The following DENND5A variants were observed in gnomAD, a reference collection of about 807,000 sequenced individuals.
The protein encoded by DENND5A is DENN domain-containing protein 5A.
A neutral mutation model predicts 140.3 loss-of-function variants in DENND5A; 64 were observed. That is an observed-to-expected ratio of 0.46 (90% CI 0.37 to 0.56). The LOEUF is 0.56. Among genes scored for constraint, DENND5A ranks in the 20% least tolerant of loss-of-function variants. The pLI is 0.00. For synonymous variants in DENND5A, 605 were observed against 607.7 expected (o/e 1.00, Z 0.07); for missense variants, 1,292 against 1,593.8 (o/e 0.81, Z 3.22).
intron 10 of DENND5A, among the ~76,000 whole-genome samples, chr11:9,166,890 C>CA (rs1455107998): frequency 6.6e-6 from 1 of 151,564 alleles, no homozygotes; most frequent in Non-Finnish European, 1.5e-5. Flanking sequence ...ATACAAGAGT[C>CA]AAAAAACACA....
chr11:9,162,863 ATTTTT>A (rs61181938), intron 11 of DENND5A, among the ~76,000 whole-genome samples: 1 of 136,896 alleles, frequency 7.3e-6, no homozygotes, highest in African/African-American at 2.7e-5. Flanking sequence ...TTCTTTTGTG[ATTTTT>A]TTTTTTTTTT....
At chr11:9,189,618 G>GT (rs77938128) in intron 5 of DENND5A, among the ~76,000 whole-genome samples, 15,784 of 144,938 alleles carry the variant, frequency 0.11, 986 homozygotes, top group African/African-American at 0.18. Context: ...CTGTTGTTTG[G>GT]TTTTTTTTTT....
At chr11:9,230,053 C>A (rs1034390235) in intron 1 of DENND5A, among the ~76,000 whole-genome samples, 1 of 150,534 alleles carries the variant, frequency 6.6e-6, no homozygotes, top group Non-Finnish European at 1.5e-5. Context: ...GGACTACAGG[C>A]GCCTGCCACC....
At chr11:9,239,728 C>T (rs1027609865) in intron 1 of DENND5A, among the ~76,000 whole-genome samples, 3 of 152,186 alleles carry the variant, frequency 2.0e-5, no homozygotes, top group African/African-American at 4.8e-5. Flanking sequence ...TCCCAAAGTG[C>T]TGGGATTACA....
At chr11:9,247,923 T>C (rs896572420) in intron 1 of DENND5A, among the ~76,000 whole-genome samples, 4 of 152,168 alleles carry the variant, frequency 2.6e-5, no homozygotes, top group African/African-American at 9.7e-5. Flanking sequence ...TTTTATTTCC[T>C]TCAGGGTCTG....
intron 1 of DENND5A, among the ~76,000 whole-genome samples, chr11:9,227,771 A>G (rs902220275): frequency 6.6e-6 from 1 of 152,020 alleles, no homozygotes. Flanking sequence ...CCTGGGCAAC[A>G]TAGCAAGATA....
rs1162225544 is a variant in DENND5A at position 9,145,765 on chromosome 11, T to G, written c.2908A>C (p.Met970Leu). The G allele has an allele frequency of 1.9e-6, 3 of 1,614,092 alleles. No homozygotes were observed. The highest frequency in any genetic ancestry group is 2.2e-5 in the East Asian group (1 of 44,898). Residue 970 changes from methionine (M) to leucine (L), a missense_variant, in exon 17 of 23, where the codon ATG (methionine) becomes CTG (leucine). Around this residue, in one of 4 missense-constraint regions of DENND5A, gnomAD observed 498 missense variants for 689.7 expected, o/e 0.72. Coordinates refer to ENST00000328194, the MANE Select transcript of DENND5A (RefSeq NM_015213.4). ...IVPSKKLGGSMFTANPWICIS... is the reference protein window; with the variant it reads ...IVPSKKLGGSLFTANPWICIS... ...CAGATCCATGGGTTGGCAGTGAACA[T>G]GGAGCCCCCCAGCTTCTTGCTTGGT...
At chr11:9,172,318 G>A (rs1848397664) in intron 8 of DENND5A, 1 of 152,152 alleles carries the variant, frequency 6.6e-6, no homozygotes, top group Non-Finnish European at 1.5e-5. Flanking sequence ...CTCAAAATCA[G>A]TGATAAAAAG....
intron 1 of DENND5A, among the ~76,000 whole-genome samples, chr11:9,238,607 G>C (rs1851102061): frequency 6.6e-6 from 1 of 151,556 alleles, no homozygotes; most frequent in Non-Finnish European, 1.5e-5. Flanking sequence ...TAGTAGATGG[G>C]GTTTCACCAT....
chr11:9,255,830 ACTCCAGC>A (rs1851920276), intron 1 of DENND5A, among the ~76,000 whole-genome samples: 1 of 151,372 alleles, frequency 6.6e-6, no homozygotes, highest in African/African-American at 2.4e-5. Flanking sequence ...GTGCCACTGC[ACTCCAGC>A]CTGGGCGACA....
intron 4 of DENND5A, among the ~76,000 whole-genome samples, chr11:9,201,984 ACAT>A (rs1207656030): frequency 1.3e-5 from 2 of 152,200 alleles, no homozygotes; most frequent in African/African-American, 4.8e-5. Flanking sequence ...AGACAAAATG[ACAT>A]CATATGCCTG....
Position 9,181,119 on chromosome 11 carries a change from C to T in DENND5A, c.1138-35G>A, listed in dbSNP as rs201283038. 11 of 1,576,652 alleles carry T rather than the reference C, an allele frequency of 7.0e-6. No individual in the cohort carries two copies. The Admixed American group carries it at 1.3e-4, about 18-fold the overall frequency. On this transcript the variant is annotated intron_variant, in intron 5 of 22. Coordinates refer to ENST00000328194, the MANE Select transcript of DENND5A (RefSeq NM_015213.4). ...AAAACAGGATGAGGAGTATGAATAA[C>T]TCCAGAGCATTACAGGAAGAAGTTT...
chr11:9,173,371 T>C (rs1848437967), intron 8 of DENND5A, among the ~76,000 whole-genome samples: 1 of 152,230 alleles, frequency 6.6e-6, no homozygotes, highest in Non-Finnish European at 1.5e-5. Flanking sequence ...TTAGATTTTG[T>C]ACTTATTATT....
intron 1 of DENND5A, among the ~76,000 whole-genome samples, chr11:9,225,306 T>A (rs1288552189): frequency 6.6e-6 from 1 of 152,238 alleles, no homozygotes; most frequent in Non-Finnish European, 1.5e-5. Context: ...CTTAAATTTC[T>A]CTCTTATTCC....
Position 9,193,549 on chromosome 11 carries a change from A to G in DENND5A, c.1082T>C (p.Met361Thr). The change falls in exon 5 of 23, where the codon ATG becomes ACG. Residue 361 changes from methionine (M) to threonine (T), a missense_variant. Coordinates refer to ENST00000328194, the MANE Select transcript of DENND5A (RefSeq NM_015213.4). ...ATCCAGGCCATTGGAATGCAAACCC[A>G]TCAGGTATGGAACAGGAGCATCTAA... is the stretch of plus-strand genomic sequence containing the variant. The part of the protein sequence containing the change: ...HFLDAPVPYL[M>T]GLHSNGLDDR... 1 of 1,613,932 alleles carries G rather than the reference A, an allele frequency of 6.2e-7. No individual in the cohort carries two copies. The highest frequency in any genetic ancestry group is 8.5e-7 in the Non-Finnish European group (1 of 1,179,944).
intron 1 of DENND5A, among the ~76,000 whole-genome samples, chr11:9,251,706 C>G (rs1851726285): frequency 6.6e-6 from 1 of 152,134 alleles, no homozygotes; most frequent in Admixed American, 6.6e-5. Flanking sequence ...AGAACTAAAT[C>G]CAGCTGGGTG....
chr11:9,243,675 C>T (rs1412156271), intron 1 of DENND5A, among the ~76,000 whole-genome samples: 1 of 152,162 alleles, frequency 6.6e-6, no homozygotes, highest in East Asian at 1.9e-4. Context: ...ATTACAAGGT[C>T]AGGAGTTTGA....
chr11:9,154,141 T>C (rs1564884769), intron 12 of DENND5A, among the ~76,000 whole-genome samples: 1 of 152,240 alleles, frequency 6.6e-6, no homozygotes, highest in Non-Finnish European at 1.5e-5. Flanking sequence ...AGGCTTACTA[T>C]GAACTAAGCA....
chr11:9,247,328 A>G lies in DENND5A; in HGVS notation c.109+17633T>C, dbSNP rs554300051. Among the ~76,000 whole-genome samples, 4 of 152,206 alleles carry G rather than the reference A, an allele frequency of 2.6e-5. No homozygotes were observed. The East Asian group carries it at 7.7e-4, about 29-fold the overall frequency. ...CTCCTTGCTTGGCACCCTGCAGTAAAAGCCTTTCTTTCAATGACTGCAAAT... is the reference window on the plus strand; with the variant it reads ...CTCCTTGCTTGGCACCCTGCAGTAAGAGCCTTTCTTTCAATGACTGCAAAT... On this transcript the variant is annotated intron_variant, in intron 1 of 22. Coordinates refer to ENST00000328194, the MANE Select transcript of DENND5A (RefSeq NM_015213.4).
Sources: gnomAD v4.1 joint callset for allele counts (sites outside exome capture counted in the v4.1 genomes callset) on GRCh38, gnomAD v4.1.1 for gene constraint, gnomAD v4.1.1 regional missense constraint, MANE v1.5 for transcripts, NCBI Gene and HGNC (gene_info 2026-07-23, HGNC 2026-07-21) for gene names.